The following SMYD3 variants were observed in gnomAD, a reference collection of about 807,000 sequenced individuals.
SMYD3 encodes the protein histone-lysine N-methyltransferase SMYD3.
A neutral mutation model predicts 57.7 loss-of-function variants in SMYD3; 36 were observed. The ratio of observed to expected loss-of-function variants is 0.62; its 90% CI spans 0.48 to 0.82. SMYD3 has a LOEUF of 0.82. SMYD3 is among the 40% of genes least tolerant of loss of function. SMYD3 has a pLI of 0.00. For synonymous variants in SMYD3, 211 were observed against 195.0 expected (o/e 1.08, Z -0.68); for missense variants, 515 against 538.8 (o/e 0.96, Z 0.44).
intron 5 of SMYD3, among the ~76,000 whole-genome samples, chr1:246,053,777 C>T (rs937534241): frequency 1.3e-5 from 2 of 150,454 alleles, no homozygotes; most frequent in Non-Finnish European, 3.0e-5. Context: ...TAGTGAGACC[C>T]GATCTCTATG....
In SMYD3 at chr1:246,423,095, G is replaced by A. The variant is rs535145793; in HGVS notation, c.165-68001C>T. Among the ~76,000 whole-genome samples the A allele has an allele frequency of 2.0e-4, 31 of 151,998 alleles. No individual in the cohort carries two copies. The East Asian group carries it at 3.7e-3, about 18-fold the overall frequency. ...AGGCGGATCATGAGGTCAGGAGTTC[G>A]AGACCAGTCTGACCAACATGGTGAA... is the stretch of plus-strand genomic sequence containing the variant. On this transcript the variant is annotated intron_variant, in intron 1 of 11. Coordinates refer to ENST00000490107, the MANE Select transcript of SMYD3 (RefSeq NM_001167740.2).
intron 1 of SMYD3, among the ~76,000 whole-genome samples, chr1:246,423,632 T>G (rs2067176906): frequency 6.6e-6 from 1 of 151,922 alleles, no homozygotes; most frequent in African/African-American, 2.4e-5. Context: ...GGCCAGGAGT[T>G]TAAAACTAAG....
intron 5 of SMYD3, among the ~76,000 whole-genome samples, chr1:246,097,294 T>G (rs1317981620): frequency 6.6e-6 from 1 of 152,110 alleles, no homozygotes; most frequent in Non-Finnish European, 1.5e-5. Flanking sequence ...TTACAAACTA[T>G]GCTGATTCCC....
At chr1:246,000,884 G>A (rs921647453) in intron 5 of SMYD3, among the ~76,000 whole-genome samples, 2 of 152,204 alleles carry the variant, frequency 1.3e-5, no homozygotes, top group Admixed American at 6.5e-5. Context: ...CATATGGAGT[G>A]TTTGGAAACA....
At chr1:245,972,569 C>T (rs1327856343) in intron 5 of SMYD3, among the ~76,000 whole-genome samples, 1 of 152,212 alleles carries the variant, frequency 6.6e-6, no homozygotes, top group Non-Finnish European at 1.5e-5. Flanking sequence ...ATCTGTTCTC[C>T]CTTGCTCCCA....
chr1:246,491,860 A>G (rs1458669610), intron 1 of SMYD3, among the ~76,000 whole-genome samples: 1 of 152,202 alleles, frequency 6.6e-6, no homozygotes, highest in African/African-American at 2.4e-5. Context: ...ACCTCAGACA[A>G]GGCCACTCTG....
intron 5 of SMYD3, among the ~76,000 whole-genome samples, chr1:246,304,867 T>A (rs748871940): frequency 6.6e-6 from 1 of 152,232 alleles, no homozygotes; most frequent in Non-Finnish European, 1.5e-5. Context: ...TTGTTTGTTT[T>A]TAAAAACTAC....
intron 10 of SMYD3, among the ~76,000 whole-genome samples, chr1:245,834,272 G>A (rs1002601472): frequency 1.3e-5 from 2 of 152,132 alleles, no homozygotes; most frequent in Non-Finnish European, 1.5e-5. Context: ...TACACCCCTG[G>A]GAAGGCTCTG....
chr1:245,946,769 G>A (rs372754903), intron 5 of SMYD3, among the ~76,000 whole-genome samples: 14 of 152,050 alleles, frequency 9.2e-5, no homozygotes, highest in Non-Finnish European at 1.5e-4. Flanking sequence ...CAAGCACAGC[G>A]CCAGGCACTA....
In SMYD3 at chr1:245,858,573, G is replaced by A. The variant is rs150759474; in HGVS notation, c.999C>T (p.Cys333=). The A allele has an allele frequency of 5.2e-4, 847 of 1,614,194 alleles. 6 individuals are homozygous for A. In the East Asian group the frequency reaches 0.013, roughly 25 times the overall value. Residue 333 remains cysteine (C), a synonymous_variant, in exon 10 of 12, where the codon TGC becomes TGT. Coordinates refer to ENST00000490107, the MANE Select transcript of SMYD3 (RefSeq NM_001167740.2). ...INIYQLKVLD[C]AMDACINLGL... ...CGAGGTTGATGCAGGCATCCATGGC[G>A]CAGTCGAGCACCTTCAGCTGGTAGA...
At chr1:246,338,699 A>G (rs1268384866) in intron 2 of SMYD3, among the ~76,000 whole-genome samples, 3 of 152,358 alleles carry the variant, frequency 2.0e-5, no homozygotes, top group South Asian at 2.1e-4. Flanking sequence ...CTTTCAGTGC[A>G]TGCATGACTC....
chr1:246,329,832 T>C (rs1272521188), intron 4 of SMYD3, among the ~76,000 whole-genome samples: 1 of 152,208 alleles, frequency 6.6e-6, no homozygotes, highest in Non-Finnish European at 1.5e-5. Flanking sequence ...TCCAGAAGTA[T>C]TAAACTGTGC....
chr1:245,929,533 A>G (rs1364698365), intron 6 of SMYD3, among the ~76,000 whole-genome samples: 1 of 152,212 alleles, frequency 6.6e-6, no homozygotes, highest in Non-Finnish European at 1.5e-5. Context: ...TGAAATCAGC[A>G]TGTGCTGCAG....
At chr1:245,857,107 C>T (rs11582567) in intron 10 of SMYD3, among the ~76,000 whole-genome samples, 84,350 of 151,924 alleles carry the variant, frequency 0.56, 26,587 homozygotes, top group Non-Finnish European at 0.73. Context: ...GCCAATCCCT[C>T]ATACATTTGA....
chr1:246,205,423 A>G (rs78365110), intron 5 of SMYD3, among the ~76,000 whole-genome samples: 1 of 152,048 alleles, frequency 6.6e-6, no homozygotes, highest in Non-Finnish European at 1.5e-5. Context: ...TCTAGCCACA[A>G]CTCGCCACAG....
chr1:246,434,122 G>T (rs191841660), intron 1 of SMYD3, among the ~76,000 whole-genome samples: 141 of 152,288 alleles, frequency 9.3e-4, no homozygotes, highest in Admixed American at 1.7e-3. Flanking sequence ...ATTAAGTCAA[G>T]ATGGATAAGA....
intron 5 of SMYD3, among the ~76,000 whole-genome samples, chr1:246,104,763 TC>T (rs1181427061): frequency 1.3e-5 from 2 of 151,394 alleles, no homozygotes; most frequent in Non-Finnish European, 2.9e-5. Context: ...AGACCTTTCC[TC>T]CCCATGATAA....
chr1:246,264,606 C>T (rs2064070195), intron 5 of SMYD3, among the ~76,000 whole-genome samples: 1 of 152,174 alleles, frequency 6.6e-6, no homozygotes, highest in African/African-American at 2.4e-5. Flanking sequence ...GCCTCTAATG[C>T]AATACAGTGC....
At position 246,457,549 on chromosome 1, in the gene SMYD3, G is replaced by GA. The variant is rs56089131; in HGVS notation, c.164+49504dup. On this transcript the variant is annotated intron_variant, in intron 1 of 11. Transcript: ENST00000490107. The stretch of plus-strand genomic sequence containing the variant: ...CTCTGCCTCAAAAAAAAAAAAAAAA[G>GA]AAAAGAAAAGAAAAGAAAAGAAAAG... Among the ~76,000 whole-genome samples the GA allele has an allele frequency of 7.3e-4, 66 of 90,842 alleles. 1 individual carries two copies. In the East Asian group the frequency reaches 0.014, roughly 20 times the overall value. 59.6% of individuals were successfully genotyped at this position (90,842 alleles called of 152,430 possible). A position where few individuals can be genotyped will look rare whatever the true frequency, so the allele number is the denominator to read the frequency against.
Sources: gnomAD v4.1 joint callset for allele counts (sites outside exome capture counted in the v4.1 genomes callset) on GRCh38, gnomAD v4.1.1 for gene constraint, MANE v1.5 for transcripts, NCBI Gene and HGNC (gene_info 2026-07-23, HGNC 2026-07-21) for gene names.